Variants in PTPRG observed in about 807,000 individuals in gnomAD.
The protein encoded by PTPRG is protein tyrosine phosphatase receptor type G.
PTPRG carries 102 observed loss-of-function variants against 165.3 expected under a neutral mutation model. The ratio of observed to expected loss-of-function variants is 0.62; its 90% CI spans 0.53 to 0.73. PTPRG has a LOEUF of 0.73. Ranked by LOEUF, PTPRG falls within the 30% of genes least tolerant of loss-of-function variation. PTPRG has a pLI of 0.00. For missense variants in PTPRG, 1,866 were observed against 1,861.4 expected (o/e 1.00, Z -0.05); for synonymous variants, 675 against 669.5 (o/e 1.01, Z -0.13).
rs1445540788 is a variant in PTPRG at position 62,210,001 on chromosome 3, T to C, written c.2155+6051T>C. Reference sequence around the variant, plus strand: ...TGTCAGTGGTGGCCGTCTGATAGGTTAGGGCTTGCCGTCTTTTAGGGGCTT... The same window carrying C: ...TGTCAGTGGTGGCCGTCTGATAGGTCAGGGCTTGCCGTCTTTTAGGGGCTT... On this transcript the variant is annotated intron_variant, in intron 12 of 29. Coordinates refer to ENST00000474889, the MANE Select transcript of PTPRG (RefSeq NM_002841.4). The surrounding 1 kb of genome is among the most constrained non-coding windows in gnomAD (Gnocchi z 4.1). Among the ~76,000 whole-genome samples the C allele has an allele frequency of 1.3e-5, 2 of 152,196 alleles. No homozygotes were observed. The highest frequency in any genetic ancestry group is 4.8e-5 in the African/African-American group (2 of 41,448).
chr3:62,252,021 T>A lies in PTPRG; in HGVS notation c.2468-3103T>A, dbSNP rs1231798288. 2.6e-5 allele frequency among the ~76,000 whole-genome samples: 4 copies of A among 152,192 alleles called. No homozygotes were observed. Among genetic ancestry groups the A allele is most frequent in the Non-Finnish European group, 5.9e-5 (4 of 68,038 alleles). On this transcript the variant is annotated intron_variant, in intron 15 of 29. Transcript: ENST00000474889. The surrounding 1 kb of genome is among the most constrained non-coding windows in gnomAD (Gnocchi z 4.6). Reference sequence around the variant, plus strand: ...CTACCAGCTTTATCATTATCCTGCTTTTGTTATACCATAATAATCTCTCAT... The same window carrying A: ...CTACCAGCTTTATCATTATCCTGCTATTGTTATACCATAATAATCTCTCAT...
rs560379446 is a variant in PTPRG at position 62,008,054 on chromosome 3, C to T, written c.519+4557C>T. 3.3e-5 allele frequency among the ~76,000 whole-genome samples: 5 copies of T among 152,334 alleles called. No individual in the cohort carries two copies. In the South Asian group the frequency reaches 8.3e-4, roughly 25 times the overall value. On this transcript the variant is annotated intron_variant, in intron 4 of 29. Coordinates refer to ENST00000474889, the MANE Select transcript of PTPRG (RefSeq NM_002841.4). ...AGTTCTTCTGTGGCTACTCAGCTTT[C>T]TGTTGTCTGTCCAGCCACAGTTATC...
chr3:61,595,853 T>A (rs905756037), intron 1 of PTPRG, among the ~76,000 whole-genome samples: 8 of 152,222 alleles, frequency 5.3e-5, no homozygotes, highest in Non-Finnish European at 1.0e-4. Context: ...TTTCTCTCAG[T>A]AAACAAAGTG....
chr3:62,192,366 C>G (rs1284114946), intron 9 of PTPRG, among the ~76,000 whole-genome samples: 1 of 147,868 alleles, frequency 6.8e-6, no homozygotes, highest in Non-Finnish European at 1.5e-5. Flanking sequence ...ATCTCCTTCC[C>G]TATAAAGCAA....
At chr3:62,283,474 A>G (rs1702526119) in intron 28 of PTPRG, among the ~76,000 whole-genome samples, 2 of 152,142 alleles carry the variant, frequency 1.3e-5, no homozygotes, top group African/African-American at 4.8e-5. Flanking sequence ...AATAAGAAGG[A>G]AAGGGTCATA....
intron 4 of PTPRG, among the ~76,000 whole-genome samples, chr3:62,051,553 G>C (rs6809930): frequency 0.13 from 20,173 of 152,178 alleles, 1,449 homozygotes; most frequent in Admixed American, 0.21. Flanking sequence ...ATTAAATTCA[G>C]ATTCCAGGGC....
chr3:62,057,045 AT>A (rs550204322), intron 4 of PTPRG, among the ~76,000 whole-genome samples: 31 of 152,366 alleles, frequency 2.0e-4, no homozygotes, highest in Admixed American at 2.0e-3. Flanking sequence ...AAGCTCTTTC[AT>A]CTAAACAACA....
At chr3:62,080,710 A>G (rs991973126) in intron 5 of PTPRG, among the ~76,000 whole-genome samples, 6 of 152,074 alleles carry the variant, frequency 3.9e-5, no homozygotes, top group East Asian at 1.9e-4. Flanking sequence ...AACACTTTCT[A>G]TTTTTTTCAG....
intron 4 of PTPRG, among the ~76,000 whole-genome samples, chr3:62,061,892 A>G (rs1268542761): frequency 6.6e-6 from 1 of 151,554 alleles, no homozygotes; most frequent in Non-Finnish European, 1.5e-5. Context: ...GGCCTCCCAA[A>G]GTGTTAGGAT....
chr3:61,862,442 C>T (rs184055743), intron 2 of PTPRG, among the ~76,000 whole-genome samples: 21 of 146,920 alleles, frequency 1.4e-4, no homozygotes, highest in Admixed American at 5.6e-4. Context: ...AGTGCAATGG[C>T]GTGATCTTGG....
chr3:62,106,707 C>T (rs1053912325), intron 5 of PTPRG, among the ~76,000 whole-genome samples: 4 of 151,948 alleles, frequency 2.6e-5, no homozygotes, highest in Non-Finnish European at 5.9e-5. Context: ...TTCACCAAGC[C>T]CTCTTGATAT....
chr3:61,574,869 C>A (rs367589055), intron 1 of PTPRG, among the ~76,000 whole-genome samples: 2 of 152,112 alleles, frequency 1.3e-5, no homozygotes, highest in African/African-American at 4.8e-5. Context: ...GTAACAACCC[C>A]GCTCAAGGGA....
chr3:61,826,305 A>G (rs1287191675), intron 2 of PTPRG, among the ~76,000 whole-genome samples: 4 of 152,190 alleles, frequency 2.6e-5, no homozygotes, highest in African/African-American at 7.2e-5. Flanking sequence ...CAATGCTGAT[A>G]CATTTAAACT....
Position 62,168,168 on chromosome 3 carries a change from A to G in PTPRG, c.1033+5A>G, listed in dbSNP as rs1705071705. 1 of 1,605,172 alleles carries G rather than the reference A, an allele frequency of 6.2e-7. No individual in the cohort carries two copies. The highest frequency in any genetic ancestry group is 8.5e-7 in the Non-Finnish European group (1 of 1,175,540). ...TGGGGACAGAAGCCTCTAAAGGTAT[A>G]TTTGGCTTAAGTGCCTTGCCCAGAG... On this transcript the variant is annotated splice_donor_5th_base_variant and intron_variant, in intron 8 of 29. Transcript: ENST00000474889.
intron 7 of PTPRG, among the ~76,000 whole-genome samples, chr3:62,161,102 A>G (rs1704742400): frequency 6.6e-6 from 1 of 152,114 alleles, no homozygotes; most frequent in African/African-American, 2.4e-5. Context: ...TAACATCATG[A>G]TGATAATACT....
intron 1 of PTPRG, among the ~76,000 whole-genome samples, chr3:61,685,424 G>C (rs1339011325): frequency 6.6e-6 from 1 of 152,236 alleles, no homozygotes; most frequent in Non-Finnish European, 1.5e-5. Flanking sequence ...TGAGTTAGCA[G>C]TGCAAGGAAT....
chr3:62,181,850 G>A (rs1705665029), intron 8 of PTPRG, among the ~76,000 whole-genome samples: 1 of 152,156 alleles, frequency 6.6e-6, no homozygotes, highest in Non-Finnish European at 1.5e-5. Context: ...ATATAATGAT[G>A]AACATGAAGG....
intron 1 of PTPRG, among the ~76,000 whole-genome samples, chr3:61,581,248 G>C (rs1167782654): frequency 6.6e-6 from 1 of 152,192 alleles, no homozygotes; most frequent in African/African-American, 2.4e-5. Context: ...AGAGAAAGTT[G>C]CCAGGGTTTG....
chr3:61,637,946 C>G (rs2106945307), intron 1 of PTPRG, among the ~76,000 whole-genome samples: 1 of 152,200 alleles, frequency 6.6e-6, no homozygotes, highest in African/African-American at 2.4e-5. Context: ...GTTAAGAGAA[C>G]TGTGTGTAAT....
Sources: allele counts gnomAD v4.1 joint callset (sites outside exome capture counted in the v4.1 genomes callset), GRCh38; gene constraint gnomAD v4.1.1; non-coding constraint Gnocchi (gnomAD v3.1); transcripts MANE v1.5; gene names NCBI Gene and HGNC (gene_info 2026-07-23, HGNC 2026-07-21).